The following JAKMIP3 variants were observed in gnomAD, a reference collection of about 807,000 sequenced individuals.
The protein encoded by JAKMIP3 is Janus kinase and microtubule interacting protein 3.
JAKMIP3 carries 58 observed loss-of-function variants against 118.5 expected under a neutral mutation model. That is an observed-to-expected ratio of 0.49 (90% CI 0.40 to 0.61). JAKMIP3 has a LOEUF of 0.61. JAKMIP3 is among the 20% of genes least tolerant of loss of function. The pLI is 0.00. For synonymous variants in JAKMIP3, 486 were observed against 451.2 expected, an observed-to-expected ratio of 1.08 and a Z score of -0.98; for missense variants, 950 against 1,109.0, an observed-to-expected ratio of 0.86 and a Z score of 2.04.
chr10:132,062,105 G>C (rs1330855573), upstream of JAKMIP3, among the ~76,000 whole-genome samples: 1 of 151,782 alleles, frequency 6.6e-6, no homozygotes, highest in Non-Finnish European at 1.5e-5. Flanking sequence ...ACGCCACAGA[G>C]ACACAGGGGA....
intron 1 of JAKMIP3, among the ~76,000 whole-genome samples, chr10:132,053,820 GT>G (rs940325264): frequency 2.6e-5 from 4 of 151,952 alleles, no homozygotes; most frequent in African/African-American, 7.3e-5. Flanking sequence ...AGATCACGAG[GT>G]CAGGAGATCG....
At chr10:132,063,652 C>A (rs1327477432), upstream of JAKMIP3, among the ~76,000 whole-genome samples, 2 of 152,186 alleles carry the variant, frequency 1.3e-5, no homozygotes, top group Non-Finnish European at 2.9e-5. Context: ...CCTCTGGGCT[C>A]CGGGAGAGAA....
intron 19 of JAKMIP3, among the ~76,000 whole-genome samples, chr10:132,159,571 T>A (rs2057655081): frequency 5.7e-5 from 3 of 52,798 alleles, no homozygotes; most frequent in Non-Finnish European, 7.9e-5. Flanking sequence ...TGGGGGGGCG[T>A]GTCTCCCTGT....
At chr10:132,129,720 G>C (rs1477368990) in intron 3 of JAKMIP3, among the ~76,000 whole-genome samples, 1 of 152,070 alleles carries the variant, frequency 6.6e-6, no homozygotes, top group East Asian at 1.9e-4. Context: ...GTGTGTCCGG[G>C]GCCCTGTGCT....
At chr10:132,082,573 G>T (rs983744700) in intron 1 of JAKMIP3, among the ~76,000 whole-genome samples, 1 of 152,020 alleles carries the variant, frequency 6.6e-6, no homozygotes, top group East Asian at 1.9e-4. Context: ...CCTTTTTATG[G>T]CTGAGTAGTA....
At position 132,137,298 on chromosome 10, in the gene JAKMIP3, G is replaced by T. The variant is rs750205343; in HGVS notation, c.1284+9G>T. On this transcript the variant is annotated intron_variant, in intron 8 of 23. Transcript: ENST00000684848. ...ACGTGAAGAGCGTGTTAGTAAGTAT[G>T]GTCAGCGCCCGCTTCCCCACGCCTC... 1 of 1,613,784 alleles carries T rather than the reference G, an allele frequency of 6.2e-7. No homozygotes were observed. Among genetic ancestry groups the T allele is most frequent in the Non-Finnish European group, 8.5e-7 (1 of 1,179,874 alleles).
At chr10:132,150,764 TAATCCATGTATCCGTCCTCCAC>T in intron 16 of JAKMIP3, among the ~76,000 whole-genome samples, 1 of 151,940 alleles carries the variant, frequency 6.6e-6, no homozygotes, top group Non-Finnish European at 1.5e-5. Context: ...CCGTCCTCCA[TAATCCATGTATCCGTCCTCCAC>T]AATTCATTTA....
intron 3 of JAKMIP3, among the ~76,000 whole-genome samples, chr10:132,125,027 G>A (rs2049247355): frequency 6.6e-6 from 1 of 152,212 alleles, no homozygotes; most frequent in Non-Finnish European, 1.5e-5. Flanking sequence ...CTCAGTTTGT[G>A]GCTGACCCAG....
chr10:132,094,242 T>C (rs2043533948), intron 1 of JAKMIP3, among the ~76,000 whole-genome samples: 2 of 152,206 alleles, frequency 1.3e-5, no homozygotes, highest in Non-Finnish European at 2.9e-5. Flanking sequence ...ACTGACCTTC[T>C]GAATTCTTTT....
intron 13 of JAKMIP3, 82 bp from the exon 14 acceptor site, chr10:132,147,870 C>T: frequency 1.0e-6 from 1 of 995,492 alleles, no homozygotes; most frequent in South Asian, 1.5e-5. Flanking sequence ...CAGCAGCTGT[C>T]CCGTCAGCCT....
intron 1 of JAKMIP3, among the ~76,000 whole-genome samples, chr10:132,086,232 A>G (rs1000492255): frequency 1.3e-5 from 2 of 152,184 alleles, no homozygotes; most frequent in African/African-American, 2.4e-5. Flanking sequence ...AGTGCTTAGT[A>G]TAATTTCAGT....
chr10:132,104,564 T>C lies in JAKMIP3; in HGVS notation c.-137-108T>C, dbSNP rs1241655883. 6 of 534,818 alleles carry C rather than the reference T, an allele frequency of 1.1e-5. No homozygotes were observed. In the African/African-American group the frequency reaches 1.1e-4, roughly 10 times the overall value. The allele number at this position is 534,818 out of a possible 1,614,324, so 33.1% of individuals were successfully genotyped here. ...GTCGTCCAGGTAGCATCCTCAGCACTGCAATGAGGTGGGGGGTCCACGTGC... is the reference window on the plus strand; with the variant it reads ...GTCGTCCAGGTAGCATCCTCAGCACCGCAATGAGGTGGGGGGTCCACGTGC... On this transcript the variant is annotated intron_variant, in intron 1 of 23. Coordinates refer to ENST00000684848, the MANE Select transcript of JAKMIP3 (RefSeq NM_001323087.2).
chr10:132,048,422 C>T (rs967766909), intron 1 of JAKMIP3, among the ~76,000 whole-genome samples: 2 of 152,154 alleles, frequency 1.3e-5, no homozygotes, highest in Non-Finnish European at 2.9e-5. Context: ...GTTCCTTCTC[C>T]CCATTTGTCT....
rs540011855 is a variant in JAKMIP3, at chr10:132,110,357, C to T, written c.135+5414C>T. On this transcript the variant is annotated intron_variant, in intron 2 of 23. Transcript: ENST00000684848. ...TCTCAGCCTTTGCAGCTCCCAAGGCCGGATCCCAACGTGGGGCCCACGATA... is the reference window on the plus strand; with the variant it reads ...TCTCAGCCTTTGCAGCTCCCAAGGCTGGATCCCAACGTGGGGCCCACGATA... Among the ~76,000 whole-genome samples, 6 of 152,378 alleles carry T rather than the reference C, an allele frequency of 3.9e-5. No individual in the cohort carries two copies. In the South Asian group the frequency reaches 1.0e-3, roughly 26 times the overall value.
At chr10:132,154,999 A>AGTGG (rs2056872302) in intron 19 of JAKMIP3, among the ~76,000 whole-genome samples, 1 of 7,510 alleles carries the variant, frequency 1.3e-4, no homozygotes, top group African/African-American at 4.8e-4. Context: ...GATGGTGATT[A>AGTGG]TGATGATGAT....
intron 1 of JAKMIP3, among the ~76,000 whole-genome samples, chr10:132,097,754 T>G (rs1453029479): frequency 1.3e-4 from 3 of 23,158 alleles, no homozygotes; most frequent in Non-Finnish European, 2.3e-4. Context: ...ACTAAAAGTT[T>G]TTTTTTTTTT....
chr10:132,143,573 CAG>C (rs987434800), intron 11 of JAKMIP3: 31 of 152,194 alleles, frequency 2.0e-4, no homozygotes, highest in Admixed American at 1.8e-3. Flanking sequence ...CATTTAGAAT[CAG>C]AGGAAAATCT....
Position 132,168,277 on chromosome 10 carries a change from A to T in JAKMIP3, c.*347A>T, listed in dbSNP as rs2059150087. On this transcript the variant is annotated 3_prime_UTR_variant, in exon 23 of 24. Coordinates refer to ENST00000684848, the MANE Select transcript of JAKMIP3 (RefSeq NM_001323087.2). ...TAGCATTCCCTGCCAAGCAGGGGTG[A>T]GAACTGCTTCTGTGCAGAAGCACCA... 2 of 1,289,322 alleles carry T rather than the reference A, an allele frequency of 1.6e-6. No individual in the cohort carries two copies. Among genetic ancestry groups the T allele is most frequent in the Non-Finnish European group, 1.0e-6 (1 of 988,786 alleles). The allele number at this position is 1,289,322 out of a possible 1,614,324, so 79.9% of individuals were successfully genotyped here.
chr10:132,081,159 T>C (rs1169778232), intron 1 of JAKMIP3, among the ~76,000 whole-genome samples: 1 of 151,646 alleles, frequency 6.6e-6, no homozygotes, highest in African/African-American at 2.4e-5. Context: ...TTCATTCTTT[T>C]GCATGTGGAC....
Sources: gnomAD v4.1 joint callset for allele counts (sites outside exome capture counted in the v4.1 genomes callset) on GRCh38, gnomAD v4.1.1 for gene constraint, MANE v1.5 for transcripts, NCBI Gene and HGNC (gene_info 2026-07-23, HGNC 2026-07-21) for gene names.